The following CDK14 variants were observed in gnomAD, a reference collection of about 807,000 sequenced individuals.
The protein encoded by CDK14 is cyclin dependent kinase 14, also known as cyclin-dependent kinase 14.
CDK14 carries 34 observed loss-of-function variants against 60.7 expected under a neutral mutation model. That is an observed-to-expected ratio of 0.56 (90% CI 0.43 to 0.75). The LOEUF (loss-of-function observed/expected upper bound fraction) is 0.75. Among genes scored for constraint, CDK14 ranks in the 30% least tolerant of loss-of-function variants. The probability of loss-of-function intolerance (pLI) is 0.00; values close to 1 mark genes in which losing one functional copy is unlikely to be tolerated. For synonymous variants in CDK14, 197 were observed against 203.7 expected (o/e 0.97, Z 0.28); for missense variants, 482 against 564.1 (o/e 0.85, Z 1.47).
chr7:90,880,640 A>G (rs1296838137), intron 6 of CDK14, among the ~76,000 whole-genome samples: 3 of 152,132 alleles, frequency 2.0e-5, no homozygotes, highest in East Asian at 3.9e-4. Context: ...AGACCATCCA[A>G]CGGGGGTAGT....
chr7:90,708,342 AG>A (rs1181884531), intron 2 of CDK14, among the ~76,000 whole-genome samples: 1 of 152,104 alleles, frequency 6.6e-6, no homozygotes, highest in Non-Finnish European at 1.5e-5. Context: ...TGTGGGCTGG[AG>A]GGATAACCAA....
chr7:90,693,000 A>G (rs777710756), intron 2 of CDK14, among the ~76,000 whole-genome samples: 7 of 151,814 alleles, frequency 4.6e-5, no homozygotes, highest in Admixed American at 1.3e-4. Context: ...AGCTTGTGGG[A>G]TGTACTAGGA....
At chr7:90,950,950 TCAAA>T (rs1207423251) in intron 8 of CDK14, among the ~76,000 whole-genome samples, 1 of 151,036 alleles carries the variant, frequency 6.6e-6, no homozygotes, top group East Asian at 1.9e-4. Flanking sequence ...TAGAGTATCT[TCAAA>T]CAGTGTTACC....
At chr7:91,075,242 A>G (rs1189182198) in intron 11 of CDK14, among the ~76,000 whole-genome samples, 3 of 152,254 alleles carry the variant, frequency 2.0e-5, no homozygotes, top group Non-Finnish European at 4.4e-5. Flanking sequence ...AAAATCCTCA[A>G]TAAAATACTG....
intron 4 of CDK14, among the ~76,000 whole-genome samples, chr7:90,751,893 A>G (rs1584857078): frequency 6.6e-6 from 1 of 152,222 alleles, no homozygotes; most frequent in African/African-American, 2.4e-5. Flanking sequence ...ATATCAGATA[A>G]AACAGACTTT....
intron 6 of CDK14, among the ~76,000 whole-genome samples, chr7:90,897,185 A>T (rs9969244): frequency 0.15 from 22,166 of 152,090 alleles, 1,682 homozygotes; most frequent in Non-Finnish European, 0.17. Context: ...GTGATTTTAC[A>T]TTGATATATC....
chr7:90,823,024 CA>C (rs1190840447), intron 5 of CDK14, among the ~76,000 whole-genome samples: 16 of 152,054 alleles, frequency 1.1e-4, no homozygotes, highest in African/African-American at 3.9e-4. Flanking sequence ...CTTCAGTGAA[CA>C]GGGGCTAGTG....
At chr7:90,785,758 G>A (rs951834035) in intron 4 of CDK14, among the ~76,000 whole-genome samples, 6 of 133,596 alleles carry the variant, frequency 4.5e-5, no homozygotes, top group Non-Finnish European at 7.6e-5. Context: ...TTGCACCCCA[G>A]CCTGGGCGGC....
At chr7:90,881,138 A>ACT (rs1684182406) in intron 6 of CDK14, among the ~76,000 whole-genome samples, 1 of 152,172 alleles carries the variant, frequency 6.6e-6, no homozygotes, top group Non-Finnish European at 1.5e-5. Flanking sequence ...GTAATATAAA[A>ACT]CTACGGTGAA....
At chr7:91,091,016 G>A (rs1197063214) in intron 12 of CDK14, among the ~76,000 whole-genome samples, 2 of 151,838 alleles carry the variant, frequency 1.3e-5, no homozygotes, top group Non-Finnish European at 2.9e-5. Context: ...GTGTGTGTGT[G>A]TGTGTATGAG....
chr7:90,686,074 C>T (rs1422963741), intron 2 of CDK14, among the ~76,000 whole-genome samples: 1 of 152,062 alleles, frequency 6.6e-6, no homozygotes, highest in African/African-American at 2.4e-5. Flanking sequence ...AAGTTACTTC[C>T]TTCAATATTT....
intron 5 of CDK14, among the ~76,000 whole-genome samples, chr7:90,833,763 A>G (rs1365561939): frequency 6.6e-6 from 1 of 152,178 alleles, no homozygotes; most frequent in Non-Finnish European, 1.5e-5. Context: ...TGTAGCTTGT[A>G]TCTCCCCTTC....
At chr7:91,118,009 A>C in intron 13 of CDK14, 56 bp from the exon 14 acceptor site, 2 of 1,009,034 alleles carry the variant, frequency 2.0e-6, no homozygotes, top group Non-Finnish European at 2.9e-6. Context: ...TAAAAAAAAA[A>C]CATGATTATA....
chr7:90,622,917 T>C (rs1011031877), intron 2 of CDK14, among the ~76,000 whole-genome samples: 5 of 143,734 alleles, frequency 3.5e-5, no homozygotes, highest in Admixed American at 6.9e-5. Flanking sequence ...TTCTTTCTTT[T>C]TTTTTCTTTT....
intron 1 of CDK14, among the ~76,000 whole-genome samples, chr7:90,603,565 G>A (rs961828414): frequency 3.3e-5 from 5 of 152,164 alleles, no homozygotes; most frequent in African/African-American, 1.2e-4. Flanking sequence ...TTGCCTAAGG[G>A]TGCATTTCTG....
intron 11 of CDK14, among the ~76,000 whole-genome samples, chr7:91,070,459 T>C (rs1324848302): frequency 6.6e-6 from 1 of 152,174 alleles, no homozygotes; most frequent in Admixed American, 6.5e-5. Context: ...GTGGAATTAA[T>C]GAAAAAGGAA....
At chr7:90,730,229 C>T (rs1202658289) in intron 3 of CDK14, among the ~76,000 whole-genome samples, 2 of 152,096 alleles carry the variant, frequency 1.3e-5, no homozygotes, top group African/African-American at 2.4e-5. Flanking sequence ...TGTATATGTG[C>T]CACATTTTCT....
At chr7:90,938,071 G>T (rs1474884391) in intron 8 of CDK14, among the ~76,000 whole-genome samples, 1 of 152,170 alleles carries the variant, frequency 6.6e-6, no homozygotes, top group Non-Finnish European at 1.5e-5. Context: ...TATGTGTATT[G>T]CAATTTGTAT....
chr7:90,752,673 A>G (rs1421975156), intron 4 of CDK14, among the ~76,000 whole-genome samples: 1 of 152,170 alleles, frequency 6.6e-6, no homozygotes, highest in Non-Finnish European at 1.5e-5. Context: ...TGCAGAACTG[A>G]CTGGAATTGA....
Sources: allele counts gnomAD v4.1 joint callset (sites outside exome capture counted in the v4.1 genomes callset), GRCh38; gene constraint gnomAD v4.1.1; transcripts MANE v1.5; gene names NCBI Gene and HGNC (gene_info 2026-07-23, HGNC 2026-07-21).